Variants in LCA5 observed in about 807,000 individuals in gnomAD.
LCA5 encodes the protein lebercilin LCA5.
Under a neutral mutation model 53.0 loss-of-function variants are expected in LCA5, and 37 were observed. The observed-to-expected ratio is 0.70, with a 90% CI of 0.54 to 0.92. The LOEUF (loss-of-function observed/expected upper bound fraction) is 0.92, where lower values mean the gene tolerates loss of function less well. Ranked by LOEUF, LCA5 falls within the 40% of genes least tolerant of loss-of-function variation. The pLI, the probability that LCA5 is intolerant of heterozygous loss-of-function variation, is 0.00. For synonymous variants in LCA5, 303 were observed against 282.9 expected, an observed-to-expected ratio of 1.07 and a Z score of -0.71; for missense variants, 806 against 790.5, an observed-to-expected ratio of 1.02 and a Z score of -0.23.
At chr6:79,518,537 C>A (rs1045406787) in intron 2 of LCA5, among the ~76,000 whole-genome samples, 168 bp downstream of exon 2, 3 of 152,062 alleles carry the variant, frequency 2.0e-5, no homozygotes, top group Non-Finnish European at 2.9e-5. Flanking sequence ...TACCATCAAG[C>A]AACATTTATA....
At chr6:79,510,931 G>A (rs1770394398) in intron 3 of LCA5, among the ~76,000 whole-genome samples, 1 of 151,948 alleles carries the variant, frequency 6.6e-6, no homozygotes, top group Non-Finnish European at 1.5e-5. Context: ...TGCTGGCAAG[G>A]ATGCTGAGAA....
intron 3 of LCA5, among the ~76,000 whole-genome samples, chr6:79,500,857 T>C (rs1770118363): frequency 6.6e-6 from 1 of 152,178 alleles, no homozygotes; most frequent in Non-Finnish European, 1.5e-5. Context: ...TGATTCTGTG[T>C]TTCTTCCACT....
chr6:79,528,310 T>C lies in LCA5; in HGVS notation c.-192+8855A>G, dbSNP rs576545352. Among the ~76,000 whole-genome samples, 5 of 152,280 alleles carry C rather than the reference T, an allele frequency of 3.3e-5. No individual in the cohort carries two copies. The South Asian group carries it at 1.0e-3, about 32-fold the overall frequency. ...TCTCTAGGTGGGGGGCAGAGTTCAA[T>C]AAGCCCATGGGAGAATTTTCAACTT... On this transcript the variant is annotated intron_variant, in intron 1 of 7. Coordinates refer to ENST00000369846, the MANE Select transcript of LCA5 (RefSeq NM_001122769.3).
At position 79,491,666 on chromosome 6, in the gene LCA5, C is replaced by T. The variant is rs773694604; in HGVS notation, c.1020G>A (p.Lys340=). ...CTGGAGTTAAAGGATATTCTTCTGG[C>T]TTGAAGTCTTCCATGGTTTGTACTC... ...TKGVQTMEDF[K]PEEYPLTPET... The change falls in exon 6 of 8, where the codon AAG becomes AAA. Residue 340 remains lysine, a synonymous_variant. Coordinates refer to ENST00000369846, the MANE Select transcript of LCA5 (RefSeq NM_001122769.3). 6.2e-7 allele frequency: 1 copy of T among 1,613,100 alleles called. No homozygotes were observed. The highest frequency in any genetic ancestry group is 8.5e-7 in the Non-Finnish European group (1 of 1,179,278).
chr6:79,538,390 G>A (rs1220893154), upstream of LCA5, among the ~76,000 whole-genome samples: 8 of 152,082 alleles, frequency 5.3e-5, no homozygotes. Flanking sequence ...CTGTTTCAAA[G>A]CTTTCATTTT....
chr6:79,535,321 G>T (rs924895770), intron 1 of LCA5, among the ~76,000 whole-genome samples: 7 of 152,120 alleles, frequency 4.6e-5, no homozygotes, highest in Admixed American at 4.6e-4. Flanking sequence ...TCTGACATTT[G>T]CAAGGATCCA....
intron 3 of LCA5, among the ~76,000 whole-genome samples, chr6:79,500,110 G>T (rs1410356257): frequency 6.6e-6 from 1 of 151,702 alleles, no homozygotes; most frequent in Non-Finnish European, 1.5e-5. Context: ...TGGACATTTG[G>T]GTTGGTTCCA....
chr6:79,531,219 A>G, intron 1 of LCA5, among the ~76,000 whole-genome samples: 1 of 152,150 alleles, frequency 6.6e-6, no homozygotes, highest in African/African-American at 2.4e-5. Context: ...ACCTGTATCT[A>G]TCCCATCCTC....
chr6:79,535,298 T>G (rs939192741), intron 1 of LCA5, among the ~76,000 whole-genome samples: 2 of 152,124 alleles, frequency 1.3e-5, no homozygotes, highest in Admixed American at 1.3e-4. Context: ...TCAGTAGGGT[T>G]AATATTATCA....
chr6:79,520,487 A>C (rs949317204), intron 1 of LCA5, among the ~76,000 whole-genome samples: 1 of 152,178 alleles, frequency 6.6e-6, no homozygotes, highest in Non-Finnish European at 1.5e-5. Flanking sequence ...AGATAATTTT[A>C]TCTCTCCATT....
At chr6:79,497,467 T>G (rs1770013155) in intron 3 of LCA5, among the ~76,000 whole-genome samples, 1 of 152,212 alleles carries the variant, frequency 6.6e-6, no homozygotes, top group East Asian at 1.9e-4. Context: ...AAACCTCATC[T>G]ATACACAATG....
At chr6:79,529,272 T>A (rs1048947949) in intron 1 of LCA5, among the ~76,000 whole-genome samples, 1 of 151,842 alleles carries the variant, frequency 6.6e-6, no homozygotes, top group Non-Finnish European at 1.5e-5. Context: ...ACCAGAAAGG[T>A]TTAAATAAAA....
chr6:79,510,649 C>A (rs1183901280), intron 3 of LCA5, among the ~76,000 whole-genome samples: 1 of 152,124 alleles, frequency 6.6e-6, no homozygotes, highest in East Asian at 1.9e-4. Context: ...ATGACAAGAC[C>A]AAGCTACAGA....
chr6:79,500,479 G>C (rs1770108189), intron 3 of LCA5, among the ~76,000 whole-genome samples: 1 of 152,112 alleles, frequency 6.6e-6, no homozygotes, highest in South Asian at 2.1e-4. Flanking sequence ...GTCTATCAAT[G>C]TCAGCTGTTT....
chr6:79,511,257 T>C (rs911541111), intron 3 of LCA5, among the ~76,000 whole-genome samples: 2 of 152,162 alleles, frequency 1.3e-5, no homozygotes, highest in Admixed American at 1.3e-4. Context: ...CTTCAACAGA[T>C]GTACCATAAT....
At position 79,491,578 on chromosome 6, in the gene LCA5, C is replaced by T. The variant is rs1270571483; in HGVS notation, c.1098+10G>A. 3 of 1,612,192 alleles carry T rather than the reference C, an allele frequency of 1.9e-6. No homozygotes were observed. Among genetic ancestry groups the T allele is most frequent in the Non-Finnish European group, 2.5e-6 (3 of 1,178,682 alleles). On this transcript the variant is annotated intron_variant, in intron 6 of 7. Coordinates refer to ENST00000369846, the MANE Select transcript of LCA5 (RefSeq NM_001122769.3). ...CCGAGTTTGGTACATAACAATACTG[C>T]TAAACTCACCAAAGTAAGATGTCCT...
At chr6:79,536,769 G>A (rs184877112) in intron 1 of LCA5, among the ~76,000 whole-genome samples, 1 of 152,200 alleles carries the variant, frequency 6.6e-6, no homozygotes, top group African/African-American at 2.4e-5. Flanking sequence ...CTAGTCTTGA[G>A]TCTCCACGGG....
In LCA5 at chr6:79,493,760, T is replaced by C; in HGVS notation, c.721-10A>G. On this transcript the variant is annotated splice_polypyrimidine_tract_variant and intron_variant, in intron 3 of 7. Coordinates refer to ENST00000369846, the MANE Select transcript of LCA5 (RefSeq NM_001122769.3). ...GGTTTTTCGATAGCTCCTATATGTA[T>C]AAATACATAAAAAGCAGTCCTTTAA... 3.1e-6 allele frequency: 5 copies of C among 1,598,596 alleles called. No homozygotes were observed. Among genetic ancestry groups the C allele is most frequent in the Non-Finnish European group, 4.3e-6 (5 of 1,171,408 alleles).
intron 3 of LCA5, among the ~76,000 whole-genome samples, chr6:79,510,899 T>G (rs1360840211): frequency 6.6e-6 from 1 of 152,054 alleles, no homozygotes; most frequent in Admixed American, 6.6e-5. Flanking sequence ...TGGCTAAAAC[T>G]TTAAAAAGTG....
Sources: allele counts gnomAD v4.1 joint callset (sites outside exome capture counted in the v4.1 genomes callset), GRCh38; gene constraint gnomAD v4.1.1; transcripts MANE v1.5; gene names NCBI Gene and HGNC (gene_info 2026-07-23, HGNC 2026-07-21).